WDR70: variants seen among roughly 807,000 people sequenced by gnomAD.
WDR70 encodes WD repeat-containing protein 70.
Under a neutral mutation model 88.6 loss-of-function variants are expected in WDR70, and 53 were observed. That is an observed-to-expected ratio of 0.60 (90% confidence interval 0.48 to 0.75). The LOEUF (loss-of-function observed/expected upper bound fraction) is 0.75. Ranked by LOEUF, WDR70 falls within the 30% of genes least tolerant of loss-of-function variation. WDR70 has a pLI of 0.00. For synonymous variants in WDR70, 280 were observed against 270.0 expected, an observed-to-expected ratio of 1.04 and a Z score of -0.36; for missense variants, 610 against 823.2, an observed-to-expected ratio of 0.74 and a Z score of 3.17.
chr5:37,696,608 T>C (rs1368446528), intron 10 of WDR70, among the ~76,000 whole-genome samples: 1 of 152,180 alleles, frequency 6.6e-6, no homozygotes, highest in East Asian at 1.9e-4. Flanking sequence ...AAGTTGGTAA[T>C]GGCCCAGAAC....
chr5:37,386,749 G>A (rs994254329), intron 3 of WDR70, among the ~76,000 whole-genome samples: 5 of 152,152 alleles, frequency 3.3e-5, no homozygotes, highest in African/African-American at 1.2e-4. Flanking sequence ...ATTTAGACCT[G>A]TAATACTGTC....
At chr5:37,526,370 C>G (rs1408009337) in intron 9 of WDR70, among the ~76,000 whole-genome samples, 1 of 152,034 alleles carries the variant, frequency 6.6e-6, no homozygotes, top group Non-Finnish European at 1.5e-5. Flanking sequence ...TAAACAGAAC[C>G]AAAGAAAAAA....
In WDR70 at chr5:37,398,380, C is replaced by T. The variant is rs370319828; in HGVS notation, c.492+1810C>T. 1.4e-3 allele frequency among the ~76,000 whole-genome samples: 206 copies of T among 149,120 alleles called. No homozygotes were observed. In the East Asian group the frequency reaches 0.014, roughly 10 times the overall value. ...TGGGACAGGCGTGAGCCACTGCGCCCGGCCGCACTTGGGGTAGATAATTTT... is the reference window on the plus strand; with the variant it reads ...TGGGACAGGCGTGAGCCACTGCGCCTGGCCGCACTTGGGGTAGATAATTTT... On this transcript the variant is annotated intron_variant, in intron 5 of 17. Coordinates refer to ENST00000265107, the MANE Select transcript of WDR70 (RefSeq NM_018034.4).
At chr5:37,657,473 AG>A (rs1277324689) in intron 10 of WDR70, among the ~76,000 whole-genome samples, 1 of 152,170 alleles carries the variant, frequency 6.6e-6, no homozygotes, top group Non-Finnish European at 1.5e-5. Flanking sequence ...ATTTTTATAG[AG>A]GCATAGTATT....
At chr5:37,431,119 G>A (rs370684776) in intron 5 of WDR70, among the ~76,000 whole-genome samples, 3 of 152,288 alleles carry the variant, frequency 2.0e-5, no homozygotes, top group East Asian at 3.9e-4. Context: ...CTCCCAAAGC[G>A]TTGGGATTGC....
At chr5:37,506,522 A>G in intron 8 of WDR70, 2 of 770,292 alleles carry the variant, frequency 2.6e-6, no homozygotes, top group Non-Finnish European at 4.9e-6. Context: ...GCATACTGTC[A>G]GGTTCTTTAT....
At position 37,724,783 on chromosome 5, in the gene WDR70, C is replaced by T; in HGVS notation, c.1598-151C>T. The T allele has an allele frequency of 5.3e-6, 4 of 758,664 alleles. No homozygotes were observed. The South Asian group carries it at 7.0e-5, about 13-fold the overall frequency. The allele number at this position is 758,664 out of a possible 1,614,324, so 47.0% of individuals were successfully genotyped here. A position where few individuals can be genotyped will look rare whatever the true frequency, so the allele number is the denominator to read the frequency against. ...TGAGTCTGGTCTCAAGCAAAATTGG[C>T]TAATTGGTTACAGTAAGACTGTCTT... On this transcript the variant is annotated intron_variant, in intron 15 of 17. Transcript: ENST00000265107.
chr5:37,724,827 TGTC>T, intron 15 of WDR70, 104 bp from the exon 16 acceptor site: 1 of 1,032,210 alleles, frequency 9.7e-7, no homozygotes, highest in Non-Finnish European at 1.5e-6. Context: ...AGATCAAGAC[TGTC>T]ATTATGACTT....
At chr5:37,714,594 G>T (rs1049700448) in intron 13 of WDR70, among the ~76,000 whole-genome samples, 5 of 152,098 alleles carry the variant, frequency 3.3e-5, no homozygotes, top group African/African-American at 1.2e-4. Flanking sequence ...CCATATCTTG[G>T]TATCCCATTC....
At chr5:37,411,984 A>G (rs1430066248) in intron 5 of WDR70, among the ~76,000 whole-genome samples, 2 of 151,902 alleles carry the variant, frequency 1.3e-5, no homozygotes, top group African/African-American at 4.8e-5. Context: ...TTTATCTATA[A>G]TGGTAATAAA....
intron 9 of WDR70, among the ~76,000 whole-genome samples, chr5:37,554,120 T>TA (rs1469941943): frequency 2.0e-5 from 3 of 151,924 alleles, no homozygotes; most frequent in Admixed American, 1.3e-4. Flanking sequence ...TTTTTTTTTT[T>TA]TTTTTTAAGT....
chr5:37,604,650 G>T (rs1023013688), intron 9 of WDR70, among the ~76,000 whole-genome samples: 13 of 152,170 alleles, frequency 8.5e-5, no homozygotes, highest in Admixed American at 4.6e-4. Flanking sequence ...TTTTCAGTGT[G>T]TTTTCTGGTG....
At chr5:37,613,429 C>T (rs1030694688) in intron 10 of WDR70, among the ~76,000 whole-genome samples, 2 of 152,180 alleles carry the variant, frequency 1.3e-5, no homozygotes, top group African/African-American at 4.8e-5. Flanking sequence ...TGGTAACTGA[C>T]TTAGCCACCT....
chr5:37,563,935 A>G (rs1581397573), intron 9 of WDR70, among the ~76,000 whole-genome samples: 2 of 129,658 alleles, frequency 1.5e-5, no homozygotes, highest in Non-Finnish European at 1.7e-5. Context: ...ACGGGGCGGC[A>G]GGGCAGAGGC....
Position 37,427,184 on chromosome 5 carries a change from T to A in WDR70, c.493-10738T>A, listed in dbSNP as rs184603039. 1.3e-3 allele frequency among the ~76,000 whole-genome samples: 199 copies of A among 152,110 alleles called. 2 individuals are homozygous for A. Among genetic ancestry groups the A allele is most frequent in the African/African-American group, 4.6e-3 (191 of 41,504 alleles). On this transcript the variant is annotated intron_variant, in intron 5 of 17. Transcript: ENST00000265107. ...GCGGGCGGATCACGAGGTCAGGAGA[T>A]CGAGACCATCTTGGCTAACACGGTG...
chr5:37,708,355 T>C (rs1747417209), intron 13 of WDR70, among the ~76,000 whole-genome samples: 1 of 151,862 alleles, frequency 6.6e-6, no homozygotes, highest in Non-Finnish European at 1.5e-5. Flanking sequence ...GAAATGAAAG[T>C]GCTAACATTT....
chr5:37,571,865 T>C (rs1742915016), intron 9 of WDR70, among the ~76,000 whole-genome samples: 1 of 152,078 alleles, frequency 6.6e-6, no homozygotes, highest in Non-Finnish European at 1.5e-5. Context: ...ATATTTCTAA[T>C]TACAGGAGCA....
chr5:37,605,694 A>T lies in WDR70; in HGVS notation c.1092+456A>T, dbSNP rs527644204. Among the ~76,000 whole-genome samples, 5 of 152,276 alleles carry T rather than the reference A, an allele frequency of 3.3e-5. No homozygotes were observed. In the South Asian group the frequency reaches 1.0e-3, roughly 32 times the overall value. On this transcript the variant is annotated intron_variant, in intron 10 of 17. Transcript: ENST00000265107. ...TTCTAGTAATTTAAGTAATATTTTAATATTCTATGACATTTCATATAGATA... is the reference window on the plus strand; with the variant it reads ...TTCTAGTAATTTAAGTAATATTTTATTATTCTATGACATTTCATATAGATA...
intron 13 of WDR70, among the ~76,000 whole-genome samples, chr5:37,710,669 A>G (rs1299846164): frequency 6.6e-6 from 1 of 152,244 alleles, no homozygotes; most frequent in Non-Finnish European, 1.5e-5. Flanking sequence ...ACCAAATTTT[A>G]AAATAAAAAT....
Sources: allele counts gnomAD v4.1 joint callset (sites outside exome capture counted in the v4.1 genomes callset), GRCh38; gene constraint gnomAD v4.1.1; transcripts MANE v1.5; gene names NCBI Gene and HGNC (gene_info 2026-07-23, HGNC 2026-07-21).